CNNM1: variants seen among roughly 807,000 people sequenced by gnomAD.
The protein encoded by CNNM1 is metal transporter CNNM1.
CNNM1 carries 44 observed loss-of-function variants against 78.8 expected under a neutral mutation model. That is an observed-to-expected ratio of 0.56 (90% CI 0.44 to 0.72). The LOEUF (loss-of-function observed/expected upper bound fraction) is 0.72, where lower values mean the gene tolerates loss of function less well. Ranked by LOEUF, CNNM1 falls within the 30% of genes least tolerant of loss-of-function variation. CNNM1 has a pLI of 0.00. For missense variants in CNNM1, 1,101 were observed against 1,292.2 expected (o/e 0.85, Z 2.27); for synonymous variants, 584 against 581.5 (o/e 1.00, Z -0.06).
At position 99,329,692 on chromosome 10, in the gene CNNM1, G is replaced by A; in HGVS notation, c.305G>A (p.Trp102Ter). ...TCGGGGGAGAATGGCACCGGCGACT[G>A]GGCTCCGCGGCTCGTGTTCATCGAG... Reference protein sequence around the residue: ...LNSGENGTGDWAPRLVFIEEP... With the variant: ...LNSGENGTGD The change falls in exon 1 of 11, where the codon TGG (tryptophan) becomes TAG (stop). Residue 102 changes from tryptophan to a stop codon, truncating the protein, a stop_gained. Coordinates refer to ENST00000356713, the MANE Select transcript of CNNM1 (RefSeq NM_020348.3). LOFTEE classifies it high-confidence loss of function. 1 of 1,550,472 alleles carries A rather than the reference G, an allele frequency of 6.4e-7. No individual in the cohort carries two copies.
At position 99,356,592 on chromosome 10, in the gene CNNM1, G is replaced by GAAAGAAAGAAAGA. The variant is rs1414427603; in HGVS notation, c.1574-904_1574-892dup. Among the ~76,000 whole-genome samples, 41 of 124,272 alleles carry GAAAGAAAGAAAGA rather than the reference G, an allele frequency of 3.3e-4. No individual in the cohort carries two copies. The Middle Eastern group carries it at 0.012, about 35-fold the overall frequency. The allele number at this position is 124,272 out of a possible 152,430, so 81.5% of individuals were successfully genotyped here. A position where few individuals can be genotyped will look rare whatever the true frequency, so the allele number is the denominator to read the frequency against. On this transcript the variant is annotated intron_variant, in intron 1 of 10. Transcript: ENST00000356713. ...AGAAAGAAAGAAAGAAAGAAAGAAA[G>GAAAGAAAGAAAGA]AAAGAAAGAAAGAAAAGAAAGAAAG... is the stretch of plus-strand genomic sequence containing the variant.
rs373412232 is a variant in CNNM1 at position 99,360,843 on chromosome 10, C to T, written c.1726C>T (p.Arg576Trp). The stretch of plus-strand genomic sequence containing the variant: ...CCTCTGTGACCCCACAGCTGACAAT[C>T]GGAAAAAGCAGAGGGTCCCGCAACG... ...LDETDLYTDNRKKQRVPQRER... is the reference protein window; with the variant it reads ...LDETDLYTDNWKKQRVPQRER... The change falls in exon 3 of 11, where the codon CGG (arginine) becomes TGG (tryptophan). Residue 576 changes from arginine to tryptophan, a missense_variant. Physicochemically the swap from Arg to Trp is moderately radical, Grantham distance 101. Around this residue, in one of 3 missense-constraint regions of CNNM1, gnomAD observed 277 missense variants for 423.2 expected, o/e 0.65. Transcript: ENST00000356713. The T allele has an allele frequency of 8.7e-6, 14 of 1,604,034 alleles. No homozygotes were observed. The highest frequency in any genetic ancestry group is 1.7e-5 in the Admixed American group (1 of 59,354).
intron 6 of CNNM1, among the ~76,000 whole-genome samples, chr10:99,365,294 G>T (rs539113124): frequency 1.3e-5 from 2 of 152,328 alleles, no homozygotes; most frequent in East Asian, 3.9e-4. Context: ...GTGAATGCAG[G>T]CAGGTGATTT....
chr10:99,360,360 C>T (rs950131115), intron 2 of CNNM1, among the ~76,000 whole-genome samples: 2 of 152,098 alleles, frequency 1.3e-5, no homozygotes, highest in Non-Finnish European at 1.5e-5. Flanking sequence ...TCCCTGGGCC[C>T]CTGCAACCCT....
intron 2 of CNNM1, 147 bp from the exon 3 acceptor site, chr10:99,360,688 C>T (rs2031398800): frequency 2.9e-6 from 3 of 1,028,788 alleles, no homozygotes; most frequent in African/African-American, 3.2e-5. Flanking sequence ...CCCTCACCAA[C>T]ATCCTTCTAC....
chr10:99,330,497 C>T lies in CNNM1; in HGVS notation c.1110C>T (p.Phe370=), dbSNP rs989831234. The change falls in exon 1 of 11, where the codon TTC becomes TTT. Residue 370 remains phenylalanine, a synonymous_variant. Coordinates refer to ENST00000356713, the MANE Select transcript of CNNM1 (RefSeq NM_020348.3). ...CCCGGCTTCTGATGGCAGCCGCCTT[C>T]CCCGTGTGCTACCCGCTGGGCCGCC... ...CLTRLLMAAA[F]PVCYPLGRLL... The T allele has an allele frequency of 2.3e-5, 37 of 1,583,808 alleles. No homozygotes were observed. Among genetic ancestry groups the T allele is most frequent in the Non-Finnish European group, 2.9e-5 (34 of 1,165,802 alleles).
At chr10:99,361,817 A>G (rs2031443070) in intron 3 of CNNM1, among the ~76,000 whole-genome samples, 2 of 152,232 alleles carry the variant, frequency 1.3e-5, no homozygotes, top group Admixed American at 6.5e-5. Flanking sequence ...ATTTCATTTC[A>G]TTCAGCAGAT....
intron 6 of CNNM1, among the ~76,000 whole-genome samples, chr10:99,369,980 G>A (rs778620720): frequency 1.3e-5 from 2 of 152,252 alleles, no homozygotes; most frequent in Middle Eastern, 3.4e-3. Flanking sequence ...AAGACTTTCA[G>A]CCCAAAAGAT....
chr10:99,352,265 AT>A (rs1320146011), intron 1 of CNNM1, among the ~76,000 whole-genome samples: 1 of 152,174 alleles, frequency 6.6e-6, no homozygotes, highest in African/African-American at 2.4e-5. Context: ...ACTTAGCATA[AT>A]GCTTTCAAGG....
chr10:99,373,171 C>G (rs1203781396), intron 6 of CNNM1, among the ~76,000 whole-genome samples: 2 of 152,154 alleles, frequency 1.3e-5, no homozygotes, highest in Non-Finnish European at 2.9e-5. Flanking sequence ...GGCTATTTCC[C>G]TGTTGTCTTC....
At chr10:99,359,183 A>C (rs904841838) in intron 2 of CNNM1, among the ~76,000 whole-genome samples, 9 of 138,210 alleles carry the variant, frequency 6.5e-5, no homozygotes, top group Admixed American at 1.5e-4. Flanking sequence ...TCTAAGGAGA[A>C]GGGGGCGATG....
chr10:99,333,654 ATTT>A (rs972833194), intron 1 of CNNM1, among the ~76,000 whole-genome samples: 1 of 152,108 alleles, frequency 6.6e-6, no homozygotes, highest in African/African-American at 2.4e-5. Context: ...CTCATTTAGT[ATTT>A]TTTAAACATC....
chr10:99,356,598 A>AAGAAAG (rs2031211066), intron 1 of CNNM1, among the ~76,000 whole-genome samples: 3 of 129,828 alleles, frequency 2.3e-5, no homozygotes, highest in African/African-American at 3.5e-5. Context: ...GAAAGAAAGA[A>AAGAAAG]AGAAAGAAAA....
chr10:99,355,577 C>G (rs1432714529), intron 1 of CNNM1, among the ~76,000 whole-genome samples: 1 of 152,110 alleles, frequency 6.6e-6, no homozygotes, highest in South Asian at 2.1e-4. Context: ...GAAAAAGGAC[C>G]AGGAAATGTG....
chr10:99,338,256 A>G (rs1218648492), intron 1 of CNNM1, among the ~76,000 whole-genome samples: 2 of 152,070 alleles, frequency 1.3e-5, no homozygotes, highest in African/African-American at 4.8e-5. Context: ...CAAAAATGCA[A>G]TGGGAACATG....
At chr10:99,343,238 CA>C in intron 1 of CNNM1, among the ~76,000 whole-genome samples, 1 of 152,152 alleles carries the variant, frequency 6.6e-6, no homozygotes, top group Non-Finnish European at 1.5e-5. Flanking sequence ...GCTGGGATTA[CA>C]GGCATGAGCC....
At position 99,391,764 on chromosome 10, in the gene CNNM1, T is replaced by G. The variant is rs2032480370; in HGVS notation, c.*248T>G. 1 of 451,104 alleles carries G rather than the reference T, an allele frequency of 2.2e-6. No homozygotes were observed. The highest frequency in any genetic ancestry group is 2.0e-5 in the African/African-American group (1 of 50,478). 27.9% of individuals were successfully genotyped at this position (451,104 alleles called of 1,614,324 possible). On this transcript the variant is annotated 3_prime_UTR_variant, in exon 11 of 11. Transcript: ENST00000356713. ...ATAGAACATGCTAGAAATGGTCTTT[T>G]CCACAGCATAGTCTGGGACTGGAAA... is the stretch of plus-strand genomic sequence containing the variant.
At chr10:99,336,474 T>G (rs1225552761) in intron 1 of CNNM1, among the ~76,000 whole-genome samples, 1 of 152,224 alleles carries the variant, frequency 6.6e-6, no homozygotes, top group Non-Finnish European at 1.5e-5. Context: ...AGTGTCTCCA[T>G]AGTTAAGCAG....
intron 10 of CNNM1, 52 bp downstream of exon 10, chr10:99,390,459 A>G: frequency 7.6e-7 from 1 of 1,316,646 alleles, no homozygotes; most frequent in East Asian, 2.4e-5. Flanking sequence ...GATGGTTAGT[A>G]GGAAAAGCAT....
Sources: allele counts gnomAD v4.1 joint callset (sites outside exome capture counted in the v4.1 genomes callset), GRCh38; gene constraint gnomAD v4.1.1; regional missense constraint gnomAD v4.1.1; transcripts MANE v1.5; gene names NCBI Gene and HGNC (gene_info 2026-07-23, HGNC 2026-07-21).